Variants in BRPF3 observed in about 807,000 individuals in gnomAD.
The protein encoded by BRPF3 is bromodomain and PHD finger-containing protein 3.
BRPF3 carries 18 observed loss-of-function variants against 102.0 expected under a neutral mutation model. That is an observed-to-expected ratio of 0.18 (90% confidence interval 0.12 to 0.26). The LOEUF is 0.26. Among genes scored for constraint, BRPF3 ranks in the 10% least tolerant of loss-of-function variants. The probability of loss-of-function intolerance (pLI) is 1.00; values close to 1 mark genes in which losing one functional copy is unlikely to be tolerated. For synonymous variants in BRPF3, 570 were observed against 614.2 expected, an observed-to-expected ratio of 0.93 and a Z score of 1.06; for missense variants, 1,147 against 1,567.8, an observed-to-expected ratio of 0.73 and a Z score of 4.53.
chr6:36,222,137 T>C, intron 9 of BRPF3, 31 bp from the exon 10 acceptor site: 1 of 1,548,358 alleles, frequency 6.5e-7, no homozygotes, highest in Non-Finnish European at 8.7e-7. Flanking sequence ...AAATTGCTCA[T>C]TTCACCCCTC....
chr6:36,223,269 T>TCC (rs1768614415), intron 10 of BRPF3, among the ~76,000 whole-genome samples: 1 of 152,214 alleles, frequency 6.6e-6, no homozygotes, highest in South Asian at 2.1e-4. Flanking sequence ...AGCATCAGTT[T>TCC]CTTTCTCGTA....
In BRPF3 at chr6:36,229,050, G is replaced by A. The variant is rs2127298639; in HGVS notation, c.3428G>A (p.Arg1143His). 2 of 1,613,940 alleles carry A rather than the reference G, an allele frequency of 1.2e-6. No individual in the cohort carries two copies. The highest frequency in any genetic ancestry group is 1.1e-5 in the South Asian group (1 of 91,064). The change falls in exon 12 of 13, where the codon CGC (arginine) becomes CAC (histidine). Residue 1143 changes from arginine to histidine, a missense_variant. Coordinates refer to ENST00000357641, the MANE Select transcript of BRPF3 (RefSeq NM_015695.3). ...CTTGTCCTCTTCTTTGACAACAAGC[G>A]CACCTGGTTAGTGGGTGCTGCTGTG... Reference protein sequence around the residue: ...LFLVLFFDNKRTWQWLPRDKV... With the variant: ...LFLVLFFDNKHTWQWLPRDKV...
In BRPF3 at chr6:36,210,968, G is replaced by A. The variant is rs951911484; in HGVS notation, c.2180-290G>A. Among the ~76,000 whole-genome samples the A allele has an allele frequency of 6.6e-6, 1 of 152,222 alleles. No individual in the cohort carries two copies. The highest frequency in any genetic ancestry group is 2.1e-4 in the South Asian group (1 of 4,836). On this transcript the variant is annotated intron_variant, in intron 6 of 12. Coordinates refer to ENST00000357641, the MANE Select transcript of BRPF3 (RefSeq NM_015695.3). The surrounding 1 kb of genome is among the most constrained non-coding windows in gnomAD (Gnocchi z 4.7). ...TGCTCTCTGCTTCTCGATGGCAGCA[G>A]CCAGTCACTCAGGCCAGGGTATTGC... is the stretch of plus-strand genomic sequence containing the variant.
intron 9 of BRPF3, 93 bp downstream of exon 9, chr6:36,218,103 T>A: frequency 1.9e-6 from 2 of 1,053,604 alleles, no homozygotes; most frequent in Non-Finnish European, 2.8e-6. Context: ...CCTGCTTACC[T>A]TTTTCTCTCT....
chr6:36,225,395 C>G (rs748944138), intron 11 of BRPF3, 31 bp downstream of exon 11: 1 of 1,581,300 alleles, frequency 6.3e-7, no homozygotes, highest in Non-Finnish European at 8.6e-7. Context: ...ACCCTCCTAT[C>G]TCCCCTGCCT....
In BRPF3 at chr6:36,210,458, C is replaced by T. The variant is rs565888429; in HGVS notation, c.2109C>T (p.Asp703=). The T allele has an allele frequency of 2.5e-6, 4 of 1,608,600 alleles. No homozygotes were observed. In the Admixed American group the frequency reaches 5.0e-5, roughly 20 times the overall value. Residue 703 remains aspartate, a synonymous_variant, in exon 6 of 13, where the codon GAC becomes GAT. Coordinates refer to ENST00000357641, the MANE Select transcript of BRPF3 (RefSeq NM_015695.3). The surrounding 1 kb of genome is among the most constrained non-coding windows in gnomAD (Gnocchi z 4.7). ...ARRQAENIGY[D]PERGTHLPES... is the part of the protein sequence containing the mutation. ...GGCAGGCAGAGAACATCGGCTATGACCCCGAGAGGGGCACTCACCTGCCCG... is the reference window on the plus strand; with the variant it reads ...GGCAGGCAGAGAACATCGGCTATGATCCCGAGAGGGGCACTCACCTGCCCG...
In BRPF3 at chr6:36,211,264, A is replaced by G. The variant is rs1162430962; in HGVS notation, c.2186A>G (p.Asn729Ser). ...FYRFSWEDVD[N>S]ILIPENRAHL... The stretch of plus-strand genomic sequence containing the variant: ...CCTCCCTTCTCCCTGGCAGTGGACA[A>G]CATCCTCATCCCAGAGAACCGGGCC... Residue 729 changes from asparagine to serine, a missense_variant, in exon 7 of 13, where the codon AAC (asparagine) becomes AGC (serine). Around this residue, in one of 11 missense-constraint regions of BRPF3, gnomAD observed 109 missense variants for 175.1 expected, o/e 0.62. Transcript: ENST00000357641. 5 of 1,613,066 alleles carry G rather than the reference A, an allele frequency of 3.1e-6. No individual in the cohort carries two copies. In the South Asian group the frequency reaches 4.4e-5, roughly 14 times the overall value.
At chr6:36,216,684 G>A (rs2127291806) in intron 8 of BRPF3, among the ~76,000 whole-genome samples, 1 of 152,298 alleles carries the variant, frequency 6.6e-6, no homozygotes, top group East Asian at 1.9e-4. Context: ...CAGGTGCCTG[G>A]CCCATCTCTG....
At position 36,200,658 on chromosome 6, in the gene BRPF3, C is replaced by T. The variant is rs1327081401; in HGVS notation, c.336C>T (p.Phe112=). The T allele has an allele frequency of 6.2e-7, 1 of 1,614,078 alleles. No individual in the cohort carries two copies. The highest frequency in any genetic ancestry group is 8.5e-7 in the Non-Finnish European group (1 of 1,180,044). ...SCSKHASGTS[F]HLPQPSFRMV... ...CCAAGCATGCATCTGGTACTTCCTT[C>T]CACCTCCCACAGCCCAGCTTCCGTA... Residue 112 remains phenylalanine, a synonymous_variant, in exon 2 of 13, where the codon TTC becomes TTT. Coordinates refer to ENST00000357641, the MANE Select transcript of BRPF3 (RefSeq NM_015695.3). The surrounding 1 kb of genome is among the most constrained non-coding windows in gnomAD (Gnocchi z 5.3).
chr6:36,209,591 C>T (rs976032594), intron 4 of BRPF3, among the ~76,000 whole-genome samples, 196 bp from the exon 5 acceptor site: 2 of 152,056 alleles, frequency 1.3e-5, no homozygotes, highest in African/African-American at 4.8e-5. Context: ...ACATAGGAAA[C>T]AATAATAAAA....
In BRPF3 at chr6:36,201,627, C is replaced by T. The variant is rs146148846; in HGVS notation, c.1305C>T (p.Gly435=). 1.2e-3 allele frequency: 1,924 copies of T among 1,614,086 alleles called. 2 individuals are homozygous for T. Among genetic ancestry groups the T allele is most frequent in the Non-Finnish European group, 1.3e-3 (1,540 of 1,179,970 alleles). ...EVEEEEQEAQ[G]GVSGSLKGVP... The stretch of plus-strand genomic sequence containing the variant: ...AGGAAGAAGAGCAGGAAGCTCAAGG[C>T]GGGGTGAGTGGCTCCCTCAAGGGAG... Residue 435 remains glycine, a synonymous_variant, in exon 2 of 13, where the codon GGC becomes GGT. Coordinates refer to ENST00000357641, the MANE Select transcript of BRPF3 (RefSeq NM_015695.3). This position sits in a 1 kb window ranked among gnomAD's most constrained non-coding sequence, Gnocchi z 5.1.
chr6:36,203,519 A>G (rs115479533), intron 2 of BRPF3, among the ~76,000 whole-genome samples: 1,556 of 152,230 alleles, frequency 0.01, 20 homozygotes, highest in African/African-American at 0.029. Context: ...TGGCATGGAC[A>G]TTGGTCGGGA....
intron 9 of BRPF3, among the ~76,000 whole-genome samples, chr6:36,218,611 C>T (rs1200165769): frequency 6.6e-6 from 1 of 152,084 alleles, no homozygotes; most frequent in East Asian, 1.9e-4. Flanking sequence ...AGGCACGTGC[C>T]ACCACGCCTA....
rs1477422189 is a variant in BRPF3 at position 36,201,495 on chromosome 6, G to A, written c.1173G>A (p.Ala391=). ...GTGAGGCCCACTCGCCACCAGGTGC[G>A]GCCACTGCTAGGAGGAAGGGCGACT... The part of the protein sequence containing the change: ...AYCEAHSPPG[A]ATARRKGDSP... The change falls in exon 2 of 13, where the codon GCG becomes GCA. Residue 391 remains alanine, a synonymous_variant. Transcript: ENST00000357641. This position sits in a 1 kb window ranked among gnomAD's most constrained non-coding sequence, Gnocchi z 5.1. 6.2e-6 allele frequency: 10 copies of A among 1,614,060 alleles called. No individual in the cohort carries two copies. The highest frequency in any genetic ancestry group is 1.3e-5 in the African/African-American group (1 of 74,914).
chr6:36,202,765 G>A (rs529837670), intron 2 of BRPF3, among the ~76,000 whole-genome samples: 1 of 152,302 alleles, frequency 6.6e-6, no homozygotes, highest in East Asian at 1.9e-4. Context: ...TCTAAGGGAT[G>A]GAACCAGGTG....
chr6:36,226,725 T>C (rs1030513922), intron 11 of BRPF3, among the ~76,000 whole-genome samples: 1 of 152,218 alleles, frequency 6.6e-6, no homozygotes, highest in African/African-American at 2.4e-5. Flanking sequence ...ATAAGGAAAT[T>C]ATAGCTCAAA....
intron 4 of BRPF3, 122 bp from the exon 5 acceptor site, chr6:36,209,665 C>A: frequency 8.0e-7 from 1 of 1,249,728 alleles, no homozygotes; most frequent in Non-Finnish European, 1.1e-6. Context: ...ATATACTGGT[C>A]AGCTTAATAT....
chr6:36,211,459 A>G lies in BRPF3; in HGVS notation c.2381A>G (p.Asn794Ser). 1.9e-6 allele frequency: 3 copies of G among 1,603,776 alleles called. No individual in the cohort carries two copies. The highest frequency in any genetic ancestry group is 2.6e-6 in the Non-Finnish European group (3 of 1,175,394). Reference protein sequence around the residue: ...QPPPPQPPSLNKTVSNGELPA... With the variant: ...QPPPPQPPSLSKTVSNGELPA... The stretch of plus-strand genomic sequence containing the variant: ...CCACCACCACAGCCACCATCACTCA[A>G]CAAGACAGTATCCAATGGGGAGCTG... The change falls in exon 7 of 13, where the codon AAC (asparagine) becomes AGC (serine). Residue 794 changes from asparagine to serine, a missense_variant. Around this residue, in one of 11 missense-constraint regions of BRPF3, gnomAD observed 379 missense variants for 426.3 expected, o/e 0.89. Transcript: ENST00000357641.
intron 10 of BRPF3, 81 bp downstream of exon 10, chr6:36,222,346 C>A: frequency 7.5e-7 from 1 of 1,341,118 alleles, no homozygotes; most frequent in Admixed American, 2.0e-5. Flanking sequence ...ACTGCTGGGG[C>A]TCCGTACCAG....
Sources: gnomAD v4.1 joint callset for allele counts (sites outside exome capture counted in the v4.1 genomes callset) on GRCh38, gnomAD v4.1.1 for gene constraint, gnomAD v4.1.1 regional missense constraint, Gnocchi (gnomAD v3.1) non-coding constraint, MANE v1.5 for transcripts, NCBI Gene and HGNC (gene_info 2026-07-23, HGNC 2026-07-21) for gene names.